Variants in XPNPEP2 observed in about 807,000 individuals in gnomAD.
XPNPEP2 encodes X-prolyl aminopeptidase 2.
In XPNPEP2, 64 loss-of-function variants were observed where a neutral mutation model predicts 59.8. That is an observed-to-expected ratio of 1.07 (90% CI 0.87 to 1.32). The LOEUF (loss-of-function observed/expected upper bound fraction) is 1.32, where lower values mean the gene tolerates loss of function less well. Among genes scored for constraint, XPNPEP2 ranks in the 40% most tolerant of loss-of-function variants. The pLI, the probability that XPNPEP2 is intolerant of heterozygous loss-of-function variation, is 0.00. For missense variants in XPNPEP2, 575 were observed against 546.8 expected, an observed-to-expected ratio of 1.05 and a Z score of -0.51; for synonymous variants, 235 against 210.0, an observed-to-expected ratio of 1.12 and a Z score of -1.03.
At chrX:129,755,873 C>CTCCCCTGGTG (rs750264838) in intron 13 of XPNPEP2, among the ~76,000 whole-genome samples, 7 of 112,917 alleles carry the variant, frequency 6.2e-5, no homozygotes, top group South Asian at 3.6e-4. Context: ...CCAGAATTCC[C>CTCCCCTGGTG]TCCCCTGGTG....
chrX:129,743,926 T>A (rs775380534), intron 2 of XPNPEP2, 35 bp from the exon 3 acceptor site: 3 of 1,160,373 alleles, frequency 2.6e-6, no homozygotes, highest in Non-Finnish European at 3.5e-6. Context: ...TGTATCTGTT[T>A]GTTTGTGTCT....
chrX:129,739,613 G>A (rs1404550032), intron 1 of XPNPEP2, among the ~76,000 whole-genome samples: 1 of 112,421 alleles, frequency 8.9e-6, no homozygotes, highest in Non-Finnish European at 1.9e-5. Flanking sequence ...CAGAGTGAGG[G>A]GGTCAGTGGA....
chrX:129,752,036 C>A, intron 9 of XPNPEP2, 114 bp from the exon 10 acceptor site: 1 of 957,216 alleles, frequency 1.0e-6, no homozygotes, highest in Non-Finnish European at 1.4e-6. Context: ...GCCTGCTTGG[C>A]TCCCTGGGGC....
In XPNPEP2 at chrX:129,762,073, C is replaced by T; in HGVS notation, c.1663+8C>T. 8.3e-7 allele frequency: 1 copy of T among 1,209,837 alleles called. No homozygotes were observed. Among genetic ancestry groups the T allele is most frequent in the Non-Finnish European group, 1.1e-6 (1 of 893,969 alleles). On this transcript the variant is annotated splice_region_variant and intron_variant, in intron 18 of 20. Transcript: ENST00000371106. ...GCATGTTCACTTCCATTGGTATGGC[C>T]CTCAGGCCCCTCTACCTCACCACCC...
In XPNPEP2 at chrX:129,767,726, C is replaced by T. The variant is rs187925055; in HGVS notation, c.1830+34C>T. On this transcript the variant is annotated intron_variant, in intron 20 of 20. Transcript: ENST00000371106. ...CCCTCAGCATTGCCTTCTCCCTGACCCTGGGCCTTTCCTGCCTCTGCTACC... is the reference window on the plus strand; with the variant it reads ...CCCTCAGCATTGCCTTCTCCCTGACTCTGGGCCTTTCCTGCCTCTGCTACC... The T allele has an allele frequency of 1.5e-4, 174 of 1,189,430 alleles. No individual in the cohort carries two copies. The Middle Eastern group carries it at 4.0e-3, about 27-fold the overall frequency.
At position 129,746,285 on chromosome X, in the gene XPNPEP2, C is replaced by T; in HGVS notation, c.348C>T (p.Arg116=). Residue 116 remains arginine (R), a synonymous_variant, in exon 5 of 21, where the codon CGC becomes CGT. Coordinates refer to ENST00000371106, the MANE Select transcript of XPNPEP2 (RefSeq NM_003399.6). ...MKKAAVWTDS[R]YWTQAERQMD... ...AAGCAGCTGTCTGGACCGACAGTCG[C>T]TACTGGACTCAGGCTGAGCGGCAGA... The T allele has an allele frequency of 8.3e-7, 1 of 1,211,433 alleles. No homozygotes were observed. Among genetic ancestry groups the T allele is most frequent in the South Asian group, 1.8e-5 (1 of 56,961 alleles).
In XPNPEP2 at chrX:129,747,674, T is replaced by G; in HGVS notation, c.558T>G (p.Asn186Lys). ...SNRQLVSITT[N>K]LVDLVWGSER... ...GACAGCTGGTGTCCATCACAACCAA[T>G]CTTGTGGACCTGGTATGGGGATCAG... Residue 186 changes from asparagine to lysine, a missense_variant, in exon 7 of 21, where the codon AAT (asparagine) becomes AAG (lysine). Asn to Lys is a moderately conservative substitution (Grantham distance 94, BLOSUM62 0). Transcript: ENST00000371106. 24 of 1,212,013 alleles carry G rather than the reference T, an allele frequency of 2.0e-5. No homozygotes were observed. The highest frequency in any genetic ancestry group is 2.7e-5 in the Non-Finnish European group (24 of 895,583).
chrX:129,752,730 G>A (rs1388929311), intron 10 of XPNPEP2, among the ~76,000 whole-genome samples: 4 of 112,288 alleles, frequency 3.6e-5, no homozygotes, highest in Admixed American at 9.4e-5. Flanking sequence ...CGCAGGAGTC[G>A]CTCAGTGGAG....
intron 7 of XPNPEP2, among the ~76,000 whole-genome samples, chrX:129,748,777 G>C (rs1163521704): frequency 9.0e-6 from 1 of 111,503 alleles, no homozygotes; most frequent in East Asian, 2.8e-4. Context: ...AGTTATGTCG[G>C]GAAGGGGAAG....
intron 15 of XPNPEP2, among the ~76,000 whole-genome samples, chrX:129,759,952 C>T (rs1926625543): frequency 8.9e-6 from 1 of 112,116 alleles, no homozygotes; most frequent in Admixed American, 9.4e-5. Flanking sequence ...GCTAAGCTGC[C>T]AAGTCAGCAA....
At chrX:129,747,886 C>T in intron 7 of XPNPEP2, 133 bp downstream of exon 7, 1 of 944,705 alleles carries the variant, frequency 1.1e-6, no homozygotes, top group South Asian at 2.0e-5. Context: ...ACCTGAGTCA[C>T]CTGGGATGCT....
chrX:129,768,840 A>C lies in XPNPEP2; in HGVS notation c.*355A>C. On this transcript the variant is annotated 3_prime_UTR_variant, in exon 21 of 21. Coordinates refer to ENST00000371106, the MANE Select transcript of XPNPEP2 (RefSeq NM_003399.6). ...CAGCTGCTCCCCTCCCGCCAAACAA[A>C]ACCCCAAGAGAGCAATGCCCCTACC... The C allele has an allele frequency of 3.0e-5, 4 of 134,227 alleles. No individual in the cohort carries two copies. Among genetic ancestry groups the C allele is most frequent in the East Asian group, 1.9e-4 (1 of 5,353 alleles). The allele number at this position is 134,227 out of a possible 1,213,427, so 11.1% of individuals were successfully genotyped here. A position where few individuals can be genotyped will look rare whatever the true frequency, so the allele number is the denominator to read the frequency against.
At chrX:129,744,518 G>A (rs756821312) in intron 3 of XPNPEP2, among the ~76,000 whole-genome samples, 16 of 111,488 alleles carry the variant, frequency 1.4e-4, no homozygotes, top group Middle Eastern at 4.7e-3. Flanking sequence ...TTGTGGAGGG[G>A]GGCACCCATC....
Position 129,768,279 on chromosome X carries a change from T to C in XPNPEP2, c.1831-12T>C. The C allele has an allele frequency of 8.7e-7, 1 of 1,150,346 alleles. No individual in the cohort carries two copies. 94.8% of individuals were successfully genotyped at this position (1,150,346 alleles called of 1,213,427 possible). ...GGCTTAGAGAGGCTGTCACCCCTTC[T>C]ATCCTTCGCAGCTCCAGTACCTGAA... On this transcript the variant is annotated splice_polypyrimidine_tract_variant and intron_variant, in intron 20 of 20. Coordinates refer to ENST00000371106, the MANE Select transcript of XPNPEP2 (RefSeq NM_003399.6).
chrX:129,767,852 C>A (rs1317459077), intron 20 of XPNPEP2, among the ~76,000 whole-genome samples, 160 bp downstream of exon 20: 1 of 110,911 alleles, frequency 9.0e-6, no homozygotes, highest in Non-Finnish European at 1.9e-5. Context: ...CATCAGAGAC[C>A]CCAGAGCTTC....
intron 3 of XPNPEP2, among the ~76,000 whole-genome samples, 183 bp downstream of exon 3, chrX:129,744,254 C>T (rs924621518): frequency 2.7e-5 from 3 of 112,189 alleles, no homozygotes; most frequent in African/African-American, 6.5e-5. Context: ...TCTACATAGG[C>T]GGGCAGACAT....
At chrX:129,754,394 G>T in intron 11 of XPNPEP2, 78 bp from the exon 12 acceptor site, 1 of 915,567 alleles carries the variant, frequency 1.1e-6, no homozygotes, top group South Asian at 2.5e-5. Context: ...GCCGCTATCT[G>T]ATCTCCATCA....
chrX:129,758,573 C>G (rs748728113), intron 14 of XPNPEP2, among the ~76,000 whole-genome samples: 1 of 111,123 alleles, frequency 9.0e-6, no homozygotes, highest in Non-Finnish European at 1.9e-5. Context: ...GGGTCAGATC[C>G]GTGTTTGCCA....
At chrX:129,761,783 T>A (rs982854100) in intron 17 of XPNPEP2, among the ~76,000 whole-genome samples, 1 of 111,354 alleles carries the variant, frequency 9.0e-6, no homozygotes, top group African/African-American at 3.3e-5. Flanking sequence ...GCCACTGCAC[T>A]CCAGCCTGGG....
Sources: gnomAD v4.1 joint callset for allele counts (sites outside exome capture counted in the v4.1 genomes callset) on GRCh38, gnomAD v4.1.1 for gene constraint, MANE v1.5 for transcripts, NCBI Gene and HGNC (gene_info 2026-07-23, HGNC 2026-07-21) for gene names.